The following ENPP2 variants were observed in gnomAD, a reference collection of about 807,000 sequenced individuals.
ENPP2 encodes the protein ectonucleotide pyrophosphatase/phosphodiesterase 2, also known as autotaxin.
ENPP2 carries 51 observed loss-of-function variants against 120.2 expected under a neutral mutation model. The ratio of observed to expected loss-of-function variants is 0.42; its 90% CI spans 0.34 to 0.54. ENPP2 has a LOEUF of 0.54. ENPP2 is among the 20% of genes least tolerant of loss of function. The pLI is 0.04. For synonymous variants in ENPP2, 365 were observed against 366.4 expected (o/e 1.00, Z 0.04); for missense variants, 920 against 1,066.5 (o/e 0.86, Z 1.91).
intron 17 of ENPP2, among the ~76,000 whole-genome samples, chr8:119,583,319 T>C (rs916493542): frequency 6.6e-6 from 1 of 152,184 alleles, no homozygotes; most frequent in African/African-American, 2.4e-5. Flanking sequence ...AGAAAAATAA[T>C]TAAGAGCACA....
intron 20 of ENPP2, among the ~76,000 whole-genome samples, chr8:119,570,476 T>G (rs909547227): frequency 6.6e-6 from 1 of 152,008 alleles, no homozygotes; most frequent in Non-Finnish European, 1.5e-5. Context: ...TAAAAGAAAA[T>G]AAAAGAATTA....
chr8:119,600,146 A>T (rs1814192993), intron 11 of ENPP2, among the ~76,000 whole-genome samples: 1 of 152,150 alleles, frequency 6.6e-6, no homozygotes, highest in South Asian at 2.1e-4. Context: ...TTCACAGTAT[A>T]TATACCTATG....
chr8:119,636,554 C>T (rs931030579), intron 2 of ENPP2, among the ~76,000 whole-genome samples: 15 of 152,176 alleles, frequency 9.9e-5, no homozygotes, highest in African/African-American at 3.6e-4. Context: ...GGAGCAAATT[C>T]GTGTAGCCCA....
rs1025075710 is a variant in ENPP2 at position 119,582,481 on chromosome 8, C to T, written c.1665G>A (p.Gly555=). The T allele has an allele frequency of 6.2e-7, 1 of 1,614,090 alleles. No homozygotes were observed. The highest frequency in any genetic ancestry group is 8.5e-7 in the Non-Finnish European group (1 of 1,179,970). Residue 555 remains glycine (G), a synonymous_variant, in exon 18 of 25, where the codon GGG becomes GGA. Transcript: ENST00000075322. Reference sequence around the variant, plus strand: ...CAAAATCAGACTGAAGGTACATAATCCCTGGATAATTGGGTCTGGTAACTT... The same window carrying T: ...CAAAATCAGACTGAAGGTACATAATTCCTGGATAATTGGGTCTGGTAACTT... The part of the protein sequence containing the change: ...PEEVTRPNYP[G]IMYLQSDFDL...
rs1314351490 is a variant in ENPP2, at chr8:119,568,198, A to G, written c.2108T>C (p.Val703Ala). 6.3e-7 allele frequency: 1 copy of G among 1,590,420 alleles called. No homozygotes were observed. Among genetic ancestry groups the G allele is most frequent in the Middle Eastern group, 1.7e-4 (1 of 6,008 alleles). Reference protein sequence around the residue: ...KYDAFLVTNMVPMYPAFKRVW... With the variant: ...KYDAFLVTNMAPMYPAFKRVW... Reference sequence around the variant, plus strand: ...ACGTTTGAAAGCAGGATACATTGGAACCATATTGGTTACAAGGAATGCATC... The same window carrying G: ...ACGTTTGAAAGCAGGATACATTGGAGCCATATTGGTTACAAGGAATGCATC... The change falls in exon 22 of 25, where the codon GTT (valine) becomes GCT (alanine). Residue 703 changes from valine (V) to alanine (A), a missense_variant. Val to Ala is a moderately conservative substitution (Grantham distance 64, BLOSUM62 0). Coordinates refer to ENST00000075322, the MANE Select transcript of ENPP2 (RefSeq NM_001040092.3).
At chr8:119,641,309 C>T (rs1817279786), upstream of ENPP2, among the ~76,000 whole-genome samples, 2 of 145,552 alleles carry the variant, frequency 1.4e-5, no homozygotes, top group Admixed American at 6.8e-5. Context: ...CCCTCATTAC[C>T]TAAAGCTGAA....
intron 8 of ENPP2, among the ~76,000 whole-genome samples, chr8:119,610,700 C>T (rs1364257728): frequency 6.6e-6 from 1 of 151,772 alleles, no homozygotes; most frequent in East Asian, 1.9e-4. Flanking sequence ...GTCAGGAGTT[C>T]GAGACCAGCC....
Position 119,670,699 on chromosome 8 carries a change from C to G in ENPP2, c.21+2553G>C, listed in dbSNP as rs918135971. On this transcript the variant is annotated intron_variant, in intron 1 of 25. Coordinates refer to the ENPP2 transcript ENST00000427067. ...GCTTTCAGCTGGGTCTAAATAAAAA[C>G]AGAGGTTAGACACAGACCTCACAGA... is the stretch of plus-strand genomic sequence containing the variant. 3.9e-5 allele frequency among the ~76,000 whole-genome samples: 6 copies of G among 152,178 alleles called. No individual in the cohort carries two copies. The East Asian group carries it at 1.2e-3, about 29-fold the overall frequency.
chr8:119,580,219 C>A, intron 18 of ENPP2, 52 bp from the exon 19 acceptor site: 1 of 1,452,874 alleles, frequency 6.9e-7, no homozygotes, highest in South Asian at 1.1e-5. Flanking sequence ...CAGAAATGTT[C>A]TTTCCCTCTG....
Position 119,600,584 on chromosome 8 carries a change from T to A in ENPP2, c.972+94A>T, listed in dbSNP as rs1814227019. On this transcript the variant is annotated intron_variant, in intron 11 of 24. Transcript: ENST00000075322. ...TGCATAAACCTTGTAGATACAAACATCCATCCAGACTTTATACAATTCCTG... is the reference window on the plus strand; with the variant it reads ...TGCATAAACCTTGTAGATACAAACAACCATCCAGACTTTATACAATTCCTG... The A allele has an allele frequency of 3.8e-6, 3 of 790,396 alleles. No homozygotes were observed. The South Asian group carries it at 5.1e-5, about 14-fold the overall frequency. 49.0% of individuals were successfully genotyped at this position (790,396 alleles called of 1,614,324 possible).
chr8:119,573,814 A>AAAAAG (rs1220344680), intron 19 of ENPP2, among the ~76,000 whole-genome samples: 1 of 152,136 alleles, frequency 6.6e-6, no homozygotes, highest in African/African-American at 2.4e-5. Flanking sequence ...GTCTCAGAAA[A>AAAAAG]AAAAGAAAAG....
At chr8:119,595,674 C>A (rs1047457506) in intron 11 of ENPP2, among the ~76,000 whole-genome samples, 2 of 152,130 alleles carry the variant, frequency 1.3e-5, no homozygotes, top group African/African-American at 4.8e-5. Context: ...TTCAGGCAGT[C>A]TTCACATCAG....
intron 1 of ENPP2, among the ~76,000 whole-genome samples, chr8:119,665,537 T>A (rs914131463): frequency 2.6e-5 from 4 of 152,250 alleles, no homozygotes; most frequent in Non-Finnish European, 5.9e-5. Flanking sequence ...ATGTCTCACA[T>A]TGATACAAAG....
In ENPP2 at chr8:119,662,095, A is replaced by G. The variant is rs529783475; in HGVS notation, c.21+11157T>C. ...GATATCTTATTCCTCCAGGAGGACT[A>G]GGTTCTCAAACTCTATTATACAGCA... On this transcript the variant is annotated intron_variant, in intron 1 of 25. Coordinates refer to the ENPP2 transcript ENST00000427067. 2.6e-5 allele frequency among the ~76,000 whole-genome samples: 4 copies of G among 152,306 alleles called. No homozygotes were observed. The South Asian group carries it at 8.3e-4, about 32-fold the overall frequency.
At chr8:119,666,896 G>A (rs1818089796) in intron 1 of ENPP2, among the ~76,000 whole-genome samples, 1 of 152,144 alleles carries the variant, frequency 6.6e-6, no homozygotes, top group African/African-American at 2.4e-5. Flanking sequence ...CCTGACACAG[G>A]AAATGGCATA....
At chr8:119,568,306 T>TTA (rs35332847) in intron 21 of ENPP2, 54 bp from the exon 22 acceptor site, 18 of 686,780 alleles carry the variant, frequency 2.6e-5, no homozygotes, top group Middle Eastern at 6.1e-4. Context: ...CTATATCAGT[T>TTA]AAAAAAAAAA....
At chr8:119,635,305 AATG>A (rs1386019606) in intron 2 of ENPP2, among the ~76,000 whole-genome samples, 2 of 152,250 alleles carry the variant, frequency 1.3e-5, no homozygotes, top group East Asian at 3.8e-4. Context: ...CACTAAAAAC[AATG>A]ATGAATTAAA....
At chr8:119,577,907 C>T (rs10505366) in intron 19 of ENPP2, among the ~76,000 whole-genome samples, 11,784 of 152,214 alleles carry the variant, frequency 0.077, 586 homozygotes, top group Admixed American at 0.12. Flanking sequence ...AAGAAACTCA[C>T]GTTCCACTCA....
Position 119,569,295 on chromosome 8 carries a change from G to A in ENPP2, c.1993C>T (p.Gln665Ter), listed in dbSNP as rs1211914158. 4 of 1,614,012 alleles carry A rather than the reference G, an allele frequency of 2.5e-6. No homozygotes were observed. Among genetic ancestry groups the A allele is most frequent in the Non-Finnish European group, 3.4e-6 (4 of 1,179,976 alleles). ...TCATTTTTGTAGGCCAAACAGTTCT[G>A]ACTGAAACTCGGAGAAACACGGACA... ...PDVRVSPSFS[Q>*]NCLAYKNDKQ... The change falls in exon 21 of 25, where the codon CAG (glutamine) becomes TAG (stop). Residue 665 changes from glutamine (Q) to a stop codon, truncating the protein, a stop_gained. Transcript: ENST00000075322. LOFTEE classifies it high-confidence loss of function.
Sources: allele counts gnomAD v4.1 joint callset (sites outside exome capture counted in the v4.1 genomes callset), GRCh38; gene constraint gnomAD v4.1.1; transcripts MANE v1.5; gene names NCBI Gene and HGNC (gene_info 2026-07-23, HGNC 2026-07-21).